Variants in BBX observed in about 807,000 individuals in gnomAD.
BBX encodes HMG box transcription factor BBX.
BBX carries 30 observed loss-of-function variants against 100.2 expected under a neutral mutation model. The ratio of observed to expected loss-of-function variants is 0.30; its 90% CI spans 0.22 to 0.41. The LOEUF is 0.41. Among genes scored for constraint, BBX ranks in the 10% least tolerant of loss-of-function variants. The pLI, the probability that BBX is intolerant of heterozygous loss-of-function variation, is 1.00. For missense variants in BBX, 1,023 were observed against 1,129.8 expected, an observed-to-expected ratio of 0.91 and a Z score of 1.35; for synonymous variants, 376 against 388.1, an observed-to-expected ratio of 0.97 and a Z score of 0.37.
intron 10 of BBX, among the ~76,000 whole-genome samples, chr3:107,758,779 A>T (rs1453838798): frequency 1.3e-5 from 2 of 152,128 alleles, no homozygotes; most frequent in African/African-American, 4.8e-5. Flanking sequence ...AACAGTAACA[A>T]AGAAAAAAAG....
At position 107,806,324 on chromosome 3, in the gene BBX, A is replaced by G. The variant is rs2071066642; in HGVS notation, c.*867A>G. ...TTTTACATAGGGGTCTAAGTGACCAATGGATTGTTCATACAAACAAAAAAA... is the reference window on the plus strand; with the variant it reads ...TTTTACATAGGGGTCTAAGTGACCAGTGGATTGTTCATACAAACAAAAAAA... On this transcript the variant is annotated 3_prime_UTR_variant, in exon 18 of 18. Transcript: ENST00000325805. 1.3e-5 allele frequency: 2 copies of G among 152,258 alleles called. No homozygotes were observed. Among genetic ancestry groups the G allele is most frequent in the South Asian group, 2.1e-4 (1 of 4,824 alleles). The allele number at this position is 152,258 out of a possible 1,614,324, so 9.4% of individuals were successfully genotyped here. A position where few individuals can be genotyped will look rare whatever the true frequency, so the allele number is the denominator to read the frequency against.
chr3:107,690,891 C>CTTTTTTTTTTTTTTTTTTT (rs1305340083), intron 3 of BBX, among the ~76,000 whole-genome samples: 1 of 72,314 alleles, frequency 1.4e-5, no homozygotes, highest in Non-Finnish European at 2.7e-5. Context: ...TGCCCCCCCC[C>CTTTTTTTTTTTTTTTTTTT]CTTTTTTTTT....
chr3:107,543,713 A>T (rs2049017256), intron 2 of BBX, among the ~76,000 whole-genome samples: 1 of 152,242 alleles, frequency 6.6e-6, no homozygotes, highest in South Asian at 2.1e-4. Flanking sequence ...AGGAAAAACC[A>T]TTCCAGCTTC....
At chr3:107,739,774 C>CT (rs1374610574) in intron 7 of BBX, among the ~76,000 whole-genome samples, 1 of 152,124 alleles carries the variant, frequency 6.6e-6, no homozygotes, top group Non-Finnish European at 1.5e-5. Flanking sequence ...TACACTGTTG[C>CT]ATTTTATTCT....
At chr3:107,523,189 T>C in intron 1 of BBX, 82 bp downstream of exon 1, 1 of 192,776 alleles carries the variant, frequency 5.2e-6, no homozygotes, top group Non-Finnish European at 1.1e-5. Context: ...GCCGCCGGGC[T>C]GCAGCCCCAA....
chr3:107,749,042 A>T (rs1448749017), intron 9 of BBX, among the ~76,000 whole-genome samples: 1 of 152,074 alleles, frequency 6.6e-6, no homozygotes, highest in Non-Finnish European at 1.5e-5. Flanking sequence ...CGTGTCAACT[A>T]CTATGACTTT....
At chr3:107,655,990 A>G (rs2058117676) in intron 3 of BBX, among the ~76,000 whole-genome samples, 1 of 152,122 alleles carries the variant, frequency 6.6e-6, no homozygotes, top group Admixed American at 6.5e-5. Context: ...GTGAGCCACC[A>G]TGTCCAGCTA....
intron 2 of BBX, among the ~76,000 whole-genome samples, chr3:107,581,488 G>C (rs1015091155): frequency 2.0e-5 from 3 of 151,246 alleles, no homozygotes; most frequent in Non-Finnish European, 4.4e-5. Context: ...TCTTCTAGGG[G>C]CTTAGCAGTA....
At chr3:107,691,867 C>T (rs1246995520) in intron 3 of BBX, among the ~76,000 whole-genome samples, 1 of 152,162 alleles carries the variant, frequency 6.6e-6, no homozygotes, top group East Asian at 1.9e-4. Context: ...CTAGGATAAG[C>T]AACTTCGCTA....
chr3:107,773,409 A>C lies in BBX; in HGVS notation c.1688A>C (p.Asn563Thr). 1 of 1,614,130 alleles carries C rather than the reference A, an allele frequency of 6.2e-7. No homozygotes were observed. Among genetic ancestry groups the C allele is most frequent in the Non-Finnish European group, 8.5e-7 (1 of 1,180,010 alleles). ...TTCATTAGTATTTCTGCTAGCAAGA[A>C]CATTTCTGGTGAGACACCAGAGGGT... Reference protein sequence around the residue: ...PDFISISASKNISGETPEGIK... With the variant: ...PDFISISASKTISGETPEGIK... The change falls in exon 11 of 18, where the codon AAC becomes ACC. Residue 563 changes from asparagine to threonine, a missense_variant. Coordinates refer to ENST00000325805, the MANE Select transcript of BBX (RefSeq NM_001142568.3). This position sits in a 1 kb window ranked among gnomAD's most constrained non-coding sequence, Gnocchi z 4.1.
rs550273225 is a variant in BBX at position 107,762,596 on chromosome 3, A to G, written c.906+6918A>G. On this transcript the variant is annotated intron_variant, in intron 10 of 17. Transcript: ENST00000325805. ...GGTTATGTCTACATTGTTTTGGCAGATAATAAGCCAGTACAAAATGATTGT... is the reference window on the plus strand; with the variant it reads ...GGTTATGTCTACATTGTTTTGGCAGGTAATAAGCCAGTACAAAATGATTGT... Among the ~76,000 whole-genome samples the G allele has an allele frequency of 2.6e-5, 4 of 152,318 alleles. No homozygotes were observed. The South Asian group carries it at 6.2e-4, about 24-fold the overall frequency.
chr3:107,690,892 CTTT>C (rs66523709), intron 3 of BBX, among the ~76,000 whole-genome samples: 4 of 41,188 alleles, frequency 9.7e-5, no homozygotes, highest in African/African-American at 4.3e-4. Context: ...GCCCCCCCCC[CTTT>C]TTTTTTTTTT....
chr3:107,560,616 T>G lies in BBX; in HGVS notation c.-84+34218T>G, dbSNP rs866237371. ...TCTCCTTATTCTGAATCCAGCTGTT[T>G]GTGGTGTTAGAAAACACTTCCATTA... is the stretch of plus-strand genomic sequence containing the variant. On this transcript the variant is annotated intron_variant, in intron 2 of 17. Coordinates refer to ENST00000325805, the MANE Select transcript of BBX (RefSeq NM_001142568.3). Among the ~76,000 whole-genome samples the G allele has an allele frequency of 2.0e-5, 3 of 152,324 alleles. No homozygotes were observed. The South Asian group carries it at 6.2e-4, about 32-fold the overall frequency.
intron 2 of BBX, among the ~76,000 whole-genome samples, chr3:107,637,079 AC>A (rs1486145715): frequency 6.6e-6 from 1 of 152,178 alleles, no homozygotes; most frequent in Non-Finnish European, 1.5e-5. Context: ...AAAATAATAG[AC>A]CTTTTTTTAG....
chr3:107,797,337 A>ATATATATATATATATATAT (rs2069789795), intron 15 of BBX, among the ~76,000 whole-genome samples: 7 of 39,324 alleles, frequency 1.8e-4, no homozygotes, highest in African/African-American at 2.3e-4. Context: ...TTTTCTTCCA[A>ATATATATATATATATATAT]ATATATATAT....
At chr3:107,783,395 A>G (rs1463363726) in intron 13 of BBX, among the ~76,000 whole-genome samples, 1 of 152,084 alleles carries the variant, frequency 6.6e-6, no homozygotes, top group Non-Finnish European at 1.5e-5. Flanking sequence ...TCATGTTAAA[A>G]TTGACAAGCT....
chr3:107,528,025 A>C (rs1280828615), intron 2 of BBX, among the ~76,000 whole-genome samples: 1 of 152,224 alleles, frequency 6.6e-6, no homozygotes, highest in African/African-American at 2.4e-5. Context: ...AAGTCTGATA[A>C]GTGCTTGTAT....
intron 2 of BBX, among the ~76,000 whole-genome samples, chr3:107,531,614 T>C (rs2048166161): frequency 6.6e-6 from 1 of 152,074 alleles, no homozygotes; most frequent in Non-Finnish European, 1.5e-5. Flanking sequence ...CCTCTAGTTA[T>C]CATGAAACAT....
chr3:107,576,932 C>T (rs1489041904), intron 2 of BBX, among the ~76,000 whole-genome samples: 1 of 152,154 alleles, frequency 6.6e-6, no homozygotes, highest in Non-Finnish European at 1.5e-5. Context: ...GCGATCTTGG[C>T]TCACTGCAAC....
Sources: allele counts gnomAD v4.1 joint callset (sites outside exome capture counted in the v4.1 genomes callset), GRCh38; gene constraint gnomAD v4.1.1; non-coding constraint Gnocchi (gnomAD v3.1); transcripts MANE v1.5; gene names NCBI Gene and HGNC (gene_info 2026-07-23, HGNC 2026-07-21).